Variants in ANXA13 observed in about 807,000 individuals in gnomAD.
ANXA13 encodes annexin A13.
A neutral mutation model predicts 46.6 loss-of-function variants in ANXA13; 36 were observed. The ratio of observed to expected loss-of-function variants is 0.77; its 90% CI spans 0.59 to 1.02. The LOEUF (loss-of-function observed/expected upper bound fraction) is 1.02, where lower values mean the gene tolerates loss of function less well. Among genes scored for constraint, ANXA13 ranks in the 50% least tolerant of loss-of-function variants. ANXA13 has a pLI of 0.00. For missense variants in ANXA13, 417 were observed against 396.5 expected (o/e 1.05, Z -0.44); for synonymous variants, 163 against 152.9 (o/e 1.07, Z -0.49).
intron 2 of ANXA13, among the ~76,000 whole-genome samples, chr8:123,708,281 C>T (rs1016640567): frequency 2.4e-4 from 37 of 152,224 alleles, no homozygotes; most frequent in African/African-American, 8.7e-4. Context: ...GGAAGTGCCT[C>T]CGGGCCTCCT....
chr8:123,692,121 C>A (rs7000525), intron 8 of ANXA13, among the ~76,000 whole-genome samples: 1 of 152,082 alleles, frequency 6.6e-6, no homozygotes, highest in African/African-American at 2.4e-5. Context: ...TTTTTATCTG[C>A]TGGCAACACA....
chr8:123,695,469 A>C (rs763438230), intron 6 of ANXA13, 33 bp downstream of exon 6: 1 of 1,543,484 alleles, frequency 6.5e-7, no homozygotes, highest in Non-Finnish European at 8.9e-7. Context: ...CTTTCCTAAG[A>C]TGATAAAACA....
At chr8:123,693,156 T>A in intron 8 of ANXA13, 41 bp downstream of exon 8, 1 of 1,561,730 alleles carries the variant, frequency 6.4e-7, no homozygotes, top group Non-Finnish European at 8.8e-7. Context: ...CTTAAGACAC[T>A]TTCAGAGTGA....
chr8:123,734,508 A>G (rs918551913), intron 1 of ANXA13, among the ~76,000 whole-genome samples: 1 of 152,114 alleles, frequency 6.6e-6, no homozygotes, highest in African/African-American at 2.4e-5. Flanking sequence ...AGTTACAAAC[A>G]CTAGGTCTTT....
At chr8:123,703,228 T>C (rs1813478533) in intron 2 of ANXA13, among the ~76,000 whole-genome samples, 1 of 152,168 alleles carries the variant, frequency 6.6e-6, no homozygotes, top group African/African-American at 2.4e-5. Context: ...CTTGAGAACA[T>C]TATGCTAAGT....
intron 6 of ANXA13, 54 bp from the exon 7 acceptor site, chr8:123,693,833 A>T: frequency 6.7e-7 from 1 of 1,493,216 alleles, no homozygotes; most frequent in South Asian, 1.1e-5. Flanking sequence ...ACCACAGAAA[A>T]CAAACTAACA....
At position 123,681,336 on chromosome 8, in the gene ANXA13, T is replaced by G; in HGVS notation, c.855A>C (p.Ala285=). 1 of 1,614,058 alleles carries G rather than the reference T, an allele frequency of 6.2e-7. No individual in the cohort carries two copies. The highest frequency in any genetic ancestry group is 1.1e-5 in the South Asian group (1 of 91,032). Reference sequence around the variant, plus strand: ...ACTTCTGATACTTCTCTTGGAACTTTGCTTTGATCCCCTGAAGGTCCACCT... The same window carrying G: ...ACTTCTGATACTTCTCTTGGAACTTGGCTTTGATCCCCTGAAGGTCCACCT... ...RAEVDLQGIK[A]KFQEKYQKSL... is the part of the protein sequence containing the mutation. Residue 285 remains alanine, a synonymous_variant, in exon 11 of 11, where the codon GCA becomes GCC. Transcript: ENST00000419625.
At position 123,685,116 on chromosome 8, in the gene ANXA13, G is replaced by C. The variant is rs146820594; in HGVS notation, c.719-394C>G. Among the ~76,000 whole-genome samples, 106 of 152,282 alleles carry C rather than the reference G, an allele frequency of 7.0e-4. 1 individual carries two copies. The highest frequency in any genetic ancestry group is 2.3e-3 in the African/African-American group (96 of 41,552). On this transcript the variant is annotated intron_variant, in intron 9 of 10. Transcript: ENST00000419625. ...TTCTGGAACAAAACTTCATCATCTT[G>C]ACAATGTATCCAGTTGGACAGCCGC...
intron 2 of ANXA13, among the ~76,000 whole-genome samples, chr8:123,704,886 C>T (rs1443244578): frequency 2.0e-5 from 3 of 152,212 alleles, no homozygotes; most frequent in South Asian, 2.1e-4. Context: ...AGGCGACTTT[C>T]GCCCTTTGAC....
At chr8:123,721,392 T>C (rs1386264356) in intron 1 of ANXA13, among the ~76,000 whole-genome samples, 2 of 152,234 alleles carry the variant, frequency 1.3e-5, no homozygotes, top group African/African-American at 4.8e-5. Flanking sequence ...CCGTATCTTT[T>C]CCAAGGCTGT....
In ANXA13 at chr8:123,704,836, G is replaced by A. The variant is rs1185818382; in HGVS notation, c.92-2100C>T. On this transcript the variant is annotated intron_variant, in intron 2 of 10. Transcript: ENST00000419625. Reference sequence around the variant, plus strand: ...ATTCTTCCACTGGCCTTTTAAACTCGATTTTCAGTTCTCCTCTCTATTGGA... The same window carrying A: ...ATTCTTCCACTGGCCTTTTAAACTCAATTTTCAGTTCTCCTCTCTATTGGA... 2.0e-5 allele frequency among the ~76,000 whole-genome samples: 3 copies of A among 152,078 alleles called. No homozygotes were observed. In the South Asian group the frequency reaches 6.2e-4, roughly 32 times the overall value.
chr8:123,692,161 C>A (rs1813255411), intron 8 of ANXA13, among the ~76,000 whole-genome samples: 2 of 152,158 alleles, frequency 1.3e-5, no homozygotes. Flanking sequence ...TGAGGAGTGG[C>A]CAGCTTCAGC....
chr8:123,704,289 G>A (rs1033052677), intron 2 of ANXA13, among the ~76,000 whole-genome samples: 1 of 152,154 alleles, frequency 6.6e-6, no homozygotes, highest in Non-Finnish European at 1.5e-5. Context: ...AAATGTTAGA[G>A]ACTATCTAGT....
chr8:123,737,171 TTAAAAGCATGGTATGC>T, intron 1 of ANXA13, 133 bp downstream of exon 1: 2 of 774,898 alleles, frequency 2.6e-6, no homozygotes, highest in Non-Finnish European at 4.1e-6. Flanking sequence ...TCAATGCATT[TTAAAAGCATGGTATGC>T]TGTTGCTAAA....
chr8:123,697,448 G>C (rs1813362361), intron 4 of ANXA13, among the ~76,000 whole-genome samples: 1 of 152,148 alleles, frequency 6.6e-6, no homozygotes, highest in Non-Finnish European at 1.5e-5. Context: ...CTTGTGGGGA[G>C]AAAAGAAGTC....
chr8:123,721,513 T>C (rs1490367474), intron 1 of ANXA13, among the ~76,000 whole-genome samples: 1 of 152,212 alleles, frequency 6.6e-6, no homozygotes, highest in African/African-American at 2.4e-5. Context: ...TGCTGAGTGT[T>C]ATTTTTATTC....
chr8:123,722,965 G>A (rs761783599), intron 1 of ANXA13, among the ~76,000 whole-genome samples: 23 of 152,176 alleles, frequency 1.5e-4, no homozygotes, highest in Non-Finnish European at 2.9e-4. Flanking sequence ...TGTACGAGGG[G>A]GCTGAATTTT....
rs779557897 is a variant in ANXA13, at chr8:123,708,739, TG to T, written c.91+3938del. 7.3e-4 allele frequency among the ~76,000 whole-genome samples: 111 copies of T among 152,064 alleles called. 3 individuals are homozygous for T. Among genetic ancestry groups the T allele is most frequent in the Non-Finnish European group, 5.0e-4 (34 of 68,010 alleles). ...TCTATTCCTGCACAGCTCTGGAGGGTGGAAGTCTGAAATCCTGGTGTCGGCA... is the reference window on the plus strand; with the variant it reads ...TCTATTCCTGCACAGCTCTGGAGGGTGAAGTCTGAAATCCTGGTGTCGGCA... On this transcript the variant is annotated intron_variant, in intron 2 of 10. Transcript: ENST00000419625.
intron 1 of ANXA13, among the ~76,000 whole-genome samples, chr8:123,716,909 C>G (rs185128896): frequency 3.3e-5 from 5 of 152,092 alleles, no homozygotes; most frequent in African/African-American, 1.2e-4. Context: ...GAATGGGCTG[C>G]GGGGTACTCC....
Sources: allele counts gnomAD v4.1 joint callset (sites outside exome capture counted in the v4.1 genomes callset), GRCh38; gene constraint gnomAD v4.1.1; transcripts MANE v1.5; gene names NCBI Gene and HGNC (gene_info 2026-07-23, HGNC 2026-07-21).